RUNX1: variants seen among roughly 807,000 people sequenced by gnomAD.
The protein encoded by RUNX1 is runt-related transcription factor 1.
In RUNX1, 19 loss-of-function variants were observed where a neutral mutation model predicts 42.8. The ratio of observed to expected loss-of-function variants is 0.44; its 90% confidence interval spans 0.31 to 0.65. The LOEUF (loss-of-function observed/expected upper bound fraction) is 0.65, where lower values mean the gene tolerates loss of function less well. RUNX1 is among the 30% of genes least tolerant of loss of function. The pLI is 0.07. For missense variants in RUNX1, 528 were observed against 672.0 expected (o/e 0.79, Z 2.37); for synonymous variants, 271 against 289.4 (o/e 0.94, Z 0.64).
At chr21:34,996,425 G>T (rs543970238) in intron 2 of RUNX1, among the ~76,000 whole-genome samples, 1 of 152,166 alleles carries the variant, frequency 6.6e-6, no homozygotes, top group Non-Finnish European at 1.5e-5. Flanking sequence ...AAGAGAGCAG[G>T]CTGCAGGGAC....
intron 2 of RUNX1, among the ~76,000 whole-genome samples, chr21:34,941,696 T>G (rs2058527930): frequency 6.6e-6 from 1 of 152,246 alleles, no homozygotes; most frequent in South Asian, 2.1e-4. Flanking sequence ...TTTTTGAAGG[T>G]GATTTTACTA....
intron 7 of RUNX1, among the ~76,000 whole-genome samples, chr21:34,809,672 G>A (rs2056731936): frequency 6.6e-6 from 1 of 152,178 alleles, no homozygotes; most frequent in Non-Finnish European, 1.5e-5. Context: ...AATCTCCACT[G>A]TGCTGATGAG....
intron 6 of RUNX1, chr21:34,856,378 A>G (rs2057495283): frequency 1.9e-6 from 1 of 518,928 alleles, no homozygotes; most frequent in Non-Finnish European, 3.8e-6. Context: ...GATGAGCCAA[A>G]TATGCCAGCC....
chr21:34,907,358 A>G lies in RUNX1; in HGVS notation c.59-14395T>C, dbSNP rs2058230267. Among the ~76,000 whole-genome samples the G allele has an allele frequency of 6.6e-6, 1 of 152,214 alleles. No individual in the cohort carries two copies. ...CCATAGATTGGTTGTTAATAATAAT[A>G]ATAACAAAAGCAAGGTAAGAAGAAG... is the stretch of plus-strand genomic sequence containing the variant. On this transcript the variant is annotated intron_variant, in intron 2 of 8. Transcript: ENST00000675419. The surrounding 1 kb of genome is among the most constrained non-coding windows in gnomAD (Gnocchi z 5.3).
intron 7 of RUNX1, among the ~76,000 whole-genome samples, chr21:34,820,708 A>G (rs1337492650): frequency 2.0e-5 from 3 of 152,092 alleles, no homozygotes; most frequent in Non-Finnish European, 4.4e-5. Flanking sequence ...GAGACTCAGA[A>G]GCAGCACATG....
chr21:35,017,025 C>CA (rs1434271251), intron 2 of RUNX1, among the ~76,000 whole-genome samples: 2 of 138,412 alleles, frequency 1.4e-5, no homozygotes, highest in East Asian at 2.1e-4. Flanking sequence ...GGAAAAGAGG[C>CA]AAAAATGGGA....
In RUNX1 at chr21:35,048,938, G is replaced by A. The variant is rs2147042185; in HGVS notation, c.-39C>T. 6.3e-7 allele frequency: 1 copy of A among 1,589,128 alleles called. No homozygotes were observed. Among genetic ancestry groups the A allele is most frequent in the Non-Finnish European group, 8.6e-7 (1 of 1,157,806 alleles). ...AAATGCACCCTCTTCTGAAGGCGGGGGACTCAATGATTTCTTTTACCTTCG... is the reference window on the plus strand; with the variant it reads ...AAATGCACCCTCTTCTGAAGGCGGGAGACTCAATGATTTCTTTTACCTTCG... On this transcript the variant is annotated 5_prime_UTR_variant, in exon 2 of 9. Transcript: ENST00000675419.
At chr21:35,030,593 A>C (rs1233583369) in intron 2 of RUNX1, among the ~76,000 whole-genome samples, 1 of 152,216 alleles carries the variant, frequency 6.6e-6, no homozygotes, top group African/African-American at 2.4e-5. Flanking sequence ...TAAAGACTTA[A>C]ACCTAAAACC....
At chr21:34,816,872 A>G (rs987514724) in intron 7 of RUNX1, among the ~76,000 whole-genome samples, 5 of 152,134 alleles carry the variant, frequency 3.3e-5, no homozygotes, top group African/African-American at 9.7e-5. Context: ...AGCAAGAATG[A>G]GCTTCGGAAG....
chr21:34,852,093 A>G (rs773611407), intron 6 of RUNX1, among the ~76,000 whole-genome samples: 7 of 152,134 alleles, frequency 4.6e-5, no homozygotes, highest in African/African-American at 1.4e-4. Flanking sequence ...GCTTGAACCC[A>G]GGAGGTGGAG....
intron 2 of RUNX1, among the ~76,000 whole-genome samples, chr21:34,950,142 G>A (rs1190299734): frequency 2.0e-5 from 3 of 152,216 alleles, no homozygotes; most frequent in Non-Finnish European, 4.4e-5. Flanking sequence ...TGGAAGGAGA[G>A]AGACTGATAC....
intron 8 of RUNX1, among the ~76,000 whole-genome samples, chr21:34,796,757 C>A (rs1242114322): frequency 6.6e-6 from 1 of 152,110 alleles, no homozygotes; most frequent in Non-Finnish European, 1.5e-5. Context: ...CAGATTAATG[C>A]ATGCTGTCTG....
At chr21:34,899,703 C>A (rs999973959) in intron 2 of RUNX1, among the ~76,000 whole-genome samples, 5 of 152,220 alleles carry the variant, frequency 3.3e-5, no homozygotes, top group Admixed American at 6.5e-5. Context: ...CAAATGAGGA[C>A]ACTTAAGATT....
At chr21:34,849,815 G>A (rs889862100) in intron 6 of RUNX1, among the ~76,000 whole-genome samples, 4 of 151,498 alleles carry the variant, frequency 2.6e-5, no homozygotes, top group South Asian at 4.2e-4. Context: ...AAGAATATGC[G>A]ATGAACAGGA....
At position 34,878,195 on chromosome 21, in the gene RUNX1, G is replaced by A. The variant is rs532914961; in HGVS notation, c.508+2362C>T. ...AAAAAAAAAAAAAAAGAAGAAGAAG[G>A]AAAAAGAAAGAAAAAAATCTGGCAG... On this transcript the variant is annotated intron_variant, in intron 5 of 8. Coordinates refer to ENST00000675419, the MANE Select transcript of RUNX1 (RefSeq NM_001754.5). Among the ~76,000 whole-genome samples the A allele has an allele frequency of 4.9e-4, 74 of 149,662 alleles. No individual in the cohort carries two copies. In the South Asian group the frequency reaches 7.4e-3, roughly 15 times the overall value.
intron 2 of RUNX1, among the ~76,000 whole-genome samples, chr21:35,048,197 CTT>C (rs994573998): frequency 1.3e-5 from 2 of 152,240 alleles, no homozygotes; most frequent in African/African-American, 4.8e-5. Flanking sequence ...CTGGTTGTCT[CTT>C]TGCATTGAGG....
At chr21:34,837,976 A>G (rs906078244) in intron 6 of RUNX1, among the ~76,000 whole-genome samples, 2 of 151,924 alleles carry the variant, frequency 1.3e-5, no homozygotes, top group Admixed American at 6.6e-5. Flanking sequence ...AAAATCCAAA[A>G]AAGGGGAAAA....
intron 2 of RUNX1, among the ~76,000 whole-genome samples, chr21:34,944,763 G>C (rs187194752): frequency 8.4e-4 from 128 of 152,238 alleles, no homozygotes; most frequent in Non-Finnish European, 1.1e-3. Context: ...CCATTAATAG[G>C]ATTATCTTAT....
chr21:34,889,956 G>T lies in RUNX1; in HGVS notation c.98-2860C>A, dbSNP rs1051845443. Reference sequence around the variant, plus strand: ...CCGTTCCACCGCGGGCTGCTTTGTGGTCCCCGCGGAGCCCCTCAATTAAGC... The same window carrying T: ...CCGTTCCACCGCGGGCTGCTTTGTGTTCCCCGCGGAGCCCCTCAATTAAGC... On this transcript the variant is annotated intron_variant, in intron 3 of 8. Coordinates refer to ENST00000675419, the MANE Select transcript of RUNX1 (RefSeq NM_001754.5). The T allele has an allele frequency of 1.5e-5, 10 of 662,236 alleles. No individual in the cohort carries two copies. The Admixed American group carries it at 2.5e-4, about 17-fold the overall frequency. The allele number at this position is 662,236 out of a possible 1,614,324, so 41.0% of individuals were successfully genotyped here.
Sources: allele counts gnomAD v4.1 joint callset (sites outside exome capture counted in the v4.1 genomes callset), GRCh38; gene constraint gnomAD v4.1.1; non-coding constraint Gnocchi (gnomAD v3.1); transcripts MANE v1.5; gene names NCBI Gene and HGNC (gene_info 2026-07-23, HGNC 2026-07-21).